The following PCDHAC1 variants were observed in gnomAD, a reference collection of about 807,000 sequenced individuals.
The protein encoded by PCDHAC1 is protocadherin alpha subfamily C, 1.
A neutral mutation model predicts 60.0 loss-of-function variants in PCDHAC1; 42 were observed. The observed-to-expected ratio is 0.70, with a 90% confidence interval of 0.55 to 0.90. The LOEUF is 0.90. Among genes scored for constraint, PCDHAC1 ranks in the 40% least tolerant of loss-of-function variants. PCDHAC1 has a pLI of 0.00. For synonymous variants in PCDHAC1, 468 were observed against 499.3 expected (o/e 0.94, Z 0.84); for missense variants, 1,160 against 1,222.3 (o/e 0.95, Z 0.76).
At chr5:140,937,507 C>G (rs1427417860) in intron 1 of PCDHAC1, among the ~76,000 whole-genome samples, 1 of 152,106 alleles carries the variant, frequency 6.6e-6, no homozygotes, top group Non-Finnish European at 1.5e-5. Context: ...ATCCCAGCTA[C>G]TCAGGAGGCT....
intron 1 of PCDHAC1, among the ~76,000 whole-genome samples, chr5:140,942,409 TAAA>T (rs78736997): frequency 7.0e-6 from 1 of 143,620 alleles, no homozygotes; most frequent in Non-Finnish European, 1.5e-5. Context: ...AGACTCTGTT[TAAA>T]AAAAAAAAAG....
intron 1 of PCDHAC1, among the ~76,000 whole-genome samples, chr5:140,962,929 A>T (rs1386992197): frequency 1.3e-5 from 2 of 152,070 alleles, no homozygotes; most frequent in Non-Finnish European, 2.9e-5. Context: ...ATACTTCTCA[A>T]CCTCCTCTCC....
intron 1 of PCDHAC1, among the ~76,000 whole-genome samples, chr5:140,976,378 C>T (rs908008970): frequency 6.6e-6 from 1 of 151,926 alleles, no homozygotes; most frequent in Admixed American, 6.6e-5. Context: ...TGGTGAAACC[C>T]CATCTCTACT....
At chr5:140,942,332 C>T (rs2093271266) in intron 1 of PCDHAC1, among the ~76,000 whole-genome samples, 1 of 151,760 alleles carries the variant, frequency 6.6e-6, no homozygotes, top group Non-Finnish European at 1.5e-5. Flanking sequence ...ATCACTTGAA[C>T]CAGAGGGAGG....
intron 3 of PCDHAC1, among the ~76,000 whole-genome samples, chr5:141,006,369 G>A (rs2098270445): frequency 1.3e-5 from 2 of 151,784 alleles, no homozygotes; most frequent in Admixed American, 6.6e-5. Context: ...CCACCACCAC[G>A]CCCGGCTAAG....
At position 140,926,652 on chromosome 5, in the gene PCDHAC1, C is replaced by T; in HGVS notation, c.-241C>T. The T allele has an allele frequency of 2.0e-6, 1 of 499,312 alleles. No homozygotes were observed. The highest frequency in any genetic ancestry group is 3.6e-5 in the East Asian group (1 of 27,398). The allele number at this position is 499,312 out of a possible 1,614,324, so 30.9% of individuals were successfully genotyped here. On this transcript the variant is annotated 5_prime_UTR_variant, in exon 1 of 4. Transcript: ENST00000253807. ...GCGCTCCTCAACACCCGGCCGGCTC[C>T]GCTTTCCCAGACGGCTGCCCAGCCT...
chr5:140,966,281 G>T, intron 1 of PCDHAC1: 1 of 366,828 alleles, frequency 2.7e-6, no homozygotes, highest in Non-Finnish European at 4.8e-6. Context: ...TGGACAGTGG[G>T]GGTAGGGAGA....
At chr5:141,005,315 G>A (rs1554259986) in intron 3 of PCDHAC1, among the ~76,000 whole-genome samples, 1 of 152,186 alleles carries the variant, frequency 6.6e-6, no homozygotes, top group Non-Finnish European at 1.5e-5. Flanking sequence ...TCTTACAGTG[G>A]TAGAGAATAA....
In PCDHAC1 at chr5:141,011,697, T is replaced by A. The variant is rs1187125634; in HGVS notation, c.*1760T>A. ...TTTTGTTCTAGTAACAATTTTGGAATGAATACTGACAATATTCCATGAGGG... is the reference window on the plus strand; with the variant it reads ...TTTTGTTCTAGTAACAATTTTGGAAAGAATACTGACAATATTCCATGAGGG... On this transcript the variant is annotated 3_prime_UTR_variant, in exon 4 of 4. Transcript: ENST00000253807. 2 of 153,778 alleles carry A rather than the reference T, an allele frequency of 1.3e-5. No homozygotes were observed. Among genetic ancestry groups the A allele is most frequent in the Non-Finnish European group, 2.9e-5 (2 of 68,036 alleles). The allele number at this position is 153,778 out of a possible 1,614,324, so 9.5% of individuals were successfully genotyped here.
rs929081687 is a variant in PCDHAC1 at position 140,926,589 on chromosome 5, G to T, written c.-304G>T. ...ACTGGAGACAGCACCTCTCGCGCCCGGGCGGGCGGCCTCGTCTCTGCACCC... is the reference window on the plus strand; with the variant it reads ...ACTGGAGACAGCACCTCTCGCGCCCTGGCGGGCGGCCTCGTCTCTGCACCC... On this transcript the variant is annotated 5_prime_UTR_variant, in exon 1 of 4. Transcript: ENST00000253807. 1.7e-5 allele frequency: 5 copies of T among 292,778 alleles called. No individual in the cohort carries two copies. The highest frequency in any genetic ancestry group is 2.5e-5 in the Non-Finnish European group (4 of 160,148). 18.1% of individuals were successfully genotyped at this position (292,778 alleles called of 1,614,324 possible).
At chr5:140,942,364 A>AT (rs1401660324) in intron 1 of PCDHAC1, among the ~76,000 whole-genome samples, 1 of 152,040 alleles carries the variant, frequency 6.6e-6, no homozygotes, top group Non-Finnish European at 1.5e-5. Context: ...GTTAACGGAG[A>AT]TTGCACCACT....
intron 1 of PCDHAC1, chr5:140,967,164 C>G (rs762120187): frequency 8.7e-6 from 14 of 1,611,226 alleles, no homozygotes; most frequent in Non-Finnish European, 1.2e-5. Flanking sequence ...GCGGTGAGCG[C>G]CGTTGAGGTG....
chr5:140,972,766 T>G (rs2096555102), intron 1 of PCDHAC1, among the ~76,000 whole-genome samples: 1 of 149,250 alleles, frequency 6.7e-6, no homozygotes, highest in African/African-American at 2.5e-5. Flanking sequence ...CAAGTTAAAG[T>G]GATTCTTCTG....
chr5:140,931,409 A>G (rs1172534741), intron 1 of PCDHAC1, among the ~76,000 whole-genome samples: 1 of 152,082 alleles, frequency 6.6e-6, no homozygotes, highest in African/African-American at 2.4e-5. Flanking sequence ...AGGAAGGCTG[A>G]TGAATCTAGA....
intron 1 of PCDHAC1, chr5:140,969,442 T>G (rs1554231813): frequency 1.6e-5 from 25 of 1,543,830 alleles, no homozygotes; most frequent in Non-Finnish European, 2.2e-5. Flanking sequence ...AGTTATCTGG[T>G]AAACTGAGTA....
chr5:140,970,026 T>A (rs2153783055), intron 1 of PCDHAC1, among the ~76,000 whole-genome samples: 1 of 152,304 alleles, frequency 6.6e-6, no homozygotes, highest in Non-Finnish European at 1.5e-5. Context: ...GGCAGAGAGA[T>A]TAAGTACCAA....
chr5:140,970,948 C>A (rs1339410112), intron 1 of PCDHAC1, among the ~76,000 whole-genome samples: 2 of 152,114 alleles, frequency 1.3e-5, no homozygotes, highest in East Asian at 3.8e-4. Flanking sequence ...TGCTGAGAAA[C>A]CATGGGAGGC....
At chr5:140,959,524 C>T (rs187530929) in intron 1 of PCDHAC1, among the ~76,000 whole-genome samples, 1 of 152,024 alleles carries the variant, frequency 6.6e-6, no homozygotes. Context: ...ATCTTTAAGA[C>T]CATTAATTCA....
At chr5:140,985,067 A>C (rs2153836144) in intron 3 of PCDHAC1, among the ~76,000 whole-genome samples, 1 of 152,116 alleles carries the variant, frequency 6.6e-6, no homozygotes, top group East Asian at 1.9e-4. Flanking sequence ...CCTCCTGAGT[A>C]GCTGAGACTA....
Sources: gnomAD v4.1 joint callset for allele counts (sites outside exome capture counted in the v4.1 genomes callset) on GRCh38, gnomAD v4.1.1 for gene constraint, MANE v1.5 for transcripts, NCBI Gene and HGNC (gene_info 2026-07-23, HGNC 2026-07-21) for gene names.